PCDHA4: variants seen among roughly 807,000 people sequenced by gnomAD.
PCDHA4 encodes the protein protocadherin alpha-4.
Under a neutral mutation model 61.4 loss-of-function variants are expected in PCDHA4, and 49 were observed. That is an observed-to-expected ratio of 0.80 (90% CI 0.63 to 1.01). PCDHA4 has a LOEUF of 1.01. Among genes scored for constraint, PCDHA4 ranks in the 50% least tolerant of loss-of-function variants. PCDHA4 has a pLI of 0.00. For missense variants in PCDHA4, 1,254 were observed against 1,235.8 expected (o/e 1.01, Z -0.22); for synonymous variants, 590 against 550.3 (o/e 1.07, Z -1.01).
chr5:141,005,932 G>A (rs1588114868), intron 3 of PCDHA4, among the ~76,000 whole-genome samples: 2 of 152,074 alleles, frequency 1.3e-5, no homozygotes, highest in East Asian at 3.9e-4. Context: ...GGTTGACAGA[G>A]TGAGAACCTA....
At chr5:140,877,839 A>G (rs2057367244) in intron 1 of PCDHA4, 12 of 1,582,068 alleles carry the variant, frequency 7.6e-6, no homozygotes, top group Non-Finnish European at 9.4e-6. Flanking sequence ...CTCCCAGTGA[A>G]GTAAGTTATT....
At chr5:140,994,811 A>G (rs1283053490) in intron 3 of PCDHA4, among the ~76,000 whole-genome samples, 1 of 152,194 alleles carries the variant, frequency 6.6e-6, no homozygotes, top group Non-Finnish European at 1.5e-5. Context: ...ACAAAATACA[A>G]AAAACTGAAT....
chr5:140,858,599 T>C (rs2045504873), intron 1 of PCDHA4: 1 of 1,295,538 alleles, frequency 7.7e-7, no homozygotes, highest in Non-Finnish European at 1.1e-6. Flanking sequence ...TCCAGGAGTT[T>C]TAAAATTTTT....
intron 2 of PCDHA4, 130 bp from the exon 3 acceptor site, chr5:140,982,345 A>G: frequency 6.8e-7 from 1 of 1,471,098 alleles, no homozygotes; most frequent in Non-Finnish European, 9.1e-7. Context: ...TAATTGCTTC[A>G]GTTCAAGCAT....
intron 1 of PCDHA4, chr5:140,837,051 A>G (rs1246258340): frequency 3.1e-5 from 6 of 195,270 alleles, no homozygotes. Context: ...AAATATTTAC[A>G]TTTCCATATT....
chr5:140,883,137 T>C (rs2153390787), intron 1 of PCDHA4: 1 of 1,614,036 alleles, frequency 6.2e-7, no homozygotes, highest in Admixed American at 1.7e-5. Flanking sequence ...CCTGCAGTGG[T>C]ATATGCATTT....
chr5:140,874,630 G>A (rs1299205823), intron 1 of PCDHA4, among the ~76,000 whole-genome samples: 2 of 152,212 alleles, frequency 1.3e-5, no homozygotes, highest in Non-Finnish European at 2.9e-5. Context: ...TTACATTAAA[G>A]TGCTTTACTT....
Position 140,835,881 on chromosome 5 carries a change from G to A in PCDHA4, c.2385+26309G>A, listed in dbSNP as rs200873751. 135 of 1,612,004 alleles carry A rather than the reference G, an allele frequency of 8.4e-5. 2 individuals are homozygous for A. Among genetic ancestry groups the A allele is most frequent in the Non-Finnish European group, 1.1e-4 (125 of 1,179,638 alleles). ...CTACTCGCTGGTGGAGCTGCGGGTG[G>A]GCGAGCGCGCGCTGTCGAGCTACGT... On this transcript the variant is annotated intron_variant, in intron 1 of 3. Transcript: ENST00000530339.
intron 1 of PCDHA4, chr5:140,825,329 C>T (rs1171364068): frequency 6.9e-6 from 1 of 145,626 alleles, no homozygotes; most frequent in South Asian, 2.1e-4. Flanking sequence ...TGGAAATTTG[C>T]ATATTTTTCA....
intron 1 of PCDHA4, chr5:140,841,217 C>A: frequency 7.0e-7 from 1 of 1,422,140 alleles, no homozygotes; most frequent in Non-Finnish European, 9.5e-7. Context: ...TCTCTAAAGG[C>A]CGAACAACGG....
At chr5:140,928,165 C>T (rs1554205580) in intron 1 of PCDHA4, 3 of 1,614,200 alleles carry the variant, frequency 1.9e-6, no homozygotes, top group East Asian at 2.2e-5. Context: ...CTCACCCCCA[C>T]TTAGCACCCG....
chr5:140,960,606 T>C (rs565459983), intron 1 of PCDHA4, among the ~76,000 whole-genome samples: 2 of 152,176 alleles, frequency 1.3e-5, no homozygotes, highest in African/African-American at 4.8e-5. Context: ...ACTTCAACAA[T>C]ATCTAGTGTG....
Position 140,808,169 on chromosome 5 carries a change from C to T in PCDHA4, c.982C>T (p.Leu328Phe). ...TGTAGAGGGCATTGATAAGGGACAG[C>T]TCCCACTTTCTGGCCATTGTAGAGT... ...IIVEGIDKGQLPLSGHCRVIV... is the reference protein window; with the variant it reads ...IIVEGIDKGQFPLSGHCRVIV... Residue 328 changes from leucine to phenylalanine, a missense_variant, in exon 1 of 4, where the codon CTC becomes TTC. Coordinates refer to ENST00000530339, the MANE Select transcript of PCDHA4 (RefSeq NM_018907.4). 1 of 1,614,232 alleles carries T rather than the reference C, an allele frequency of 6.2e-7. No homozygotes were observed. Among genetic ancestry groups the T allele is most frequent in the Non-Finnish European group, 8.5e-7 (1 of 1,180,026 alleles).
At chr5:140,820,606 G>A (rs2150107398) in intron 1 of PCDHA4, among the ~76,000 whole-genome samples, 2 of 151,906 alleles carry the variant, frequency 1.3e-5, no homozygotes, top group Admixed American at 6.6e-5. Flanking sequence ...TTTCTAGGTC[G>A]TGTTCAAATC....
intron 1 of PCDHA4, chr5:140,812,673 G>C (rs1219098987): frequency 6.6e-6 from 1 of 152,072 alleles, no homozygotes. Context: ...ATGTACAGAG[G>C]CACGATCATA....
rs529251467 is a variant in PCDHA4 at position 140,953,424 on chromosome 5, T to C, written c.2386-25525T>C. The stretch of plus-strand genomic sequence containing the variant: ...TGTTGCTCCTGGCTCCTCCCCTTTG[T>C]CCTTAAGCTGGAGAAACTAGGGATT... On this transcript the variant is annotated intron_variant, in intron 1 of 3. Transcript: ENST00000530339. 2.6e-5 allele frequency among the ~76,000 whole-genome samples: 4 copies of C among 152,230 alleles called. No individual in the cohort carries two copies. In the East Asian group the frequency reaches 7.7e-4, roughly 29 times the overall value.
chr5:140,996,410 G>A (rs1195533511), intron 3 of PCDHA4, among the ~76,000 whole-genome samples: 2 of 152,222 alleles, frequency 1.3e-5, no homozygotes, highest in African/African-American at 2.4e-5. Flanking sequence ...GGTGGGGCAG[G>A]CAGTGTGAAA....
intron 1 of PCDHA4, chr5:140,841,827 C>T: frequency 6.2e-7 from 1 of 1,613,914 alleles, no homozygotes; most frequent in Non-Finnish European, 8.5e-7. Flanking sequence ...TCCGTGTTAA[C>T]CTACAGGCTT....
At chr5:140,836,560 C>G (rs782229036) in intron 1 of PCDHA4, 1 of 1,613,738 alleles carries the variant, frequency 6.2e-7, no homozygotes, top group Non-Finnish European at 8.5e-7. Flanking sequence ...TGCTCAGCGC[C>G]GTCCTCTGAG....
Sources: allele counts gnomAD v4.1 joint callset (sites outside exome capture counted in the v4.1 genomes callset), GRCh38; gene constraint gnomAD v4.1.1; transcripts MANE v1.5; gene names NCBI Gene and HGNC (gene_info 2026-07-23, HGNC 2026-07-21).